TEKT4: variants seen among roughly 807,000 people sequenced by gnomAD.
TEKT4 encodes the protein tektin 4.
TEKT4 carries 46 observed loss-of-function variants against 46.0 expected under a neutral mutation model. The observed-to-expected ratio is 1.00, with a 90% CI of 0.79 to 1.28. The LOEUF (loss-of-function observed/expected upper bound fraction) is 1.28, where lower values mean the gene tolerates loss of function less well. Ranked by LOEUF, TEKT4 falls within the 50% of genes most tolerant of loss-of-function variation. TEKT4 has a pLI of 0.00. For missense variants in TEKT4, 790 were observed against 622.9 expected, an observed-to-expected ratio of 1.27 and a Z score of -2.85; for synonymous variants, 325 against 265.8, an observed-to-expected ratio of 1.22 and a Z score of -2.17.
rs1198202566 is a variant in TEKT4, at chr2:94,872,866, G to A, written c.499-654G>A. 36 of 1,289,004 alleles carry A rather than the reference G, an allele frequency of 2.8e-5. No individual in the cohort carries two copies. In the Middle Eastern group the frequency reaches 6.4e-4, roughly 23 times the overall value. The allele number at this position is 1,289,004 out of a possible 1,614,324, so 79.8% of individuals were successfully genotyped here. A position where few individuals can be genotyped will look rare whatever the true frequency, so the allele number is the denominator to read the frequency against. On this transcript the variant is annotated intron_variant, in intron 1 of 5. Transcript: ENST00000295201. ...TGCCTCAAGAACTCCTGCAGCTCCCGCAAACTCTCTGCCCGCAACAAGGGC... is the reference window on the plus strand; with the variant it reads ...TGCCTCAAGAACTCCTGCAGCTCCCACAAACTCTCTGCCCGCAACAAGGGC...
intron 1 of TEKT4, 29 bp from the exon 2 acceptor site, chr2:94,873,491 T>C (rs782729344): frequency 6.2e-7 from 1 of 1,611,914 alleles, no homozygotes; most frequent in South Asian, 1.1e-5. Context: ...AGGGACTGGC[T>C]CTGGTGCTCA....
chr2:94,872,128 C>CA (rs1269842330), intron 1 of TEKT4, 51 bp downstream of exon 1: 1 of 1,407,614 alleles, frequency 7.1e-7, no homozygotes, highest in Non-Finnish European at 9.4e-7. Flanking sequence ...GAGGAGGAGC[C>CA]CCCCCCCCCG....
Position 94,873,982 on chromosome 2 carries a change from A to G in TEKT4, c.587A>G (p.Lys196Arg), listed in dbSNP as rs201196384. 3 of 1,613,646 alleles carry G rather than the reference A, an allele frequency of 1.9e-6. No individual in the cohort carries two copies. The highest frequency in any genetic ancestry group is 1.6e-4 in the Middle Eastern group (1 of 6,084). The part of the protein sequence containing the change: ...VSQIRLNREH[K>R]ETCEMDWSDK... ...CGCCCCAGACTGAACCGGGAGCACA[A>G]GGAGACCTGCGAGATGGACTGGTCA... Residue 196 changes from lysine to arginine, a missense_variant, in exon 3 of 6, where the codon AAG becomes AGG. Physicochemically the swap from Lys to Arg is conservative, Grantham distance 26. Coordinates refer to ENST00000295201, the MANE Select transcript of TEKT4 (RefSeq NM_144705.4).
intron 3 of TEKT4, among the ~76,000 whole-genome samples, chr2:94,874,340 C>T (rs1235578887): frequency 6.6e-6 from 1 of 152,178 alleles, no homozygotes; most frequent in East Asian, 1.9e-4. Flanking sequence ...GGGTCAGACC[C>T]AGGCGCTGGC....
chr2:94,874,013 G>A lies in TEKT4; in HGVS notation c.618G>A (p.Lys206=), dbSNP rs1558606528. The change falls in exon 3 of 6, where the codon AAG becomes AAA. Residue 206 remains lysine (K), a synonymous_variant. Coordinates refer to ENST00000295201, the MANE Select transcript of TEKT4 (RefSeq NM_144705.4). ...KETCEMDWSD[K]MEAYNIDETC... ...CCTGCGAGATGGACTGGTCAGACAAGATGGAGGCCTACAACATCGACGAGA... is the reference window on the plus strand; with the variant it reads ...CCTGCGAGATGGACTGGTCAGACAAAATGGAGGCCTACAACATCGACGAGA... The A allele has an allele frequency of 1.9e-6, 3 of 1,613,594 alleles. No individual in the cohort carries two copies. The highest frequency in any genetic ancestry group is 2.5e-6 in the Non-Finnish European group (3 of 1,179,896).
At chr2:94,872,946 G>A in intron 1 of TEKT4, 1 of 1,289,460 alleles carries the variant, frequency 7.8e-7, no homozygotes, top group East Asian at 5.6e-5. Flanking sequence ...CCCAGGGATA[G>A]AGGGGCGCAG....
chr2:94,872,114 CAG>C, intron 1 of TEKT4, 37 bp downstream of exon 1: 1 of 1,483,134 alleles, frequency 6.7e-7, no homozygotes. Context: ...TTTGTGGGCG[CAG>C]AGAGGAGGAG....
intron 2 of TEKT4, 37 bp downstream of exon 2, chr2:94,873,627 C>T: frequency 6.2e-7 from 1 of 1,611,952 alleles, no homozygotes; most frequent in Non-Finnish European, 8.5e-7. Flanking sequence ...ATTCCTGACC[C>T]TACCCACAGC....
rs111450239 is a variant in TEKT4 at position 94,874,861 on chromosome 2, C to T, written c.799C>T (p.Arg267Trp). 16 of 1,608,392 alleles carry T rather than the reference C, an allele frequency of 9.9e-6. No individual in the cohort carries two copies. The highest frequency in any genetic ancestry group is 2.2e-5 in the East Asian group (1 of 44,658). Residue 267 changes from arginine to tryptophan, a missense_variant, in exon 4 of 6, where the codon CGG becomes TGG. Physicochemically the swap from Arg to Trp is moderately radical, Grantham distance 101. Coordinates refer to ENST00000295201, the MANE Select transcript of TEKT4 (RefSeq NM_144705.4). ...CGAGCGCCTGGCCTCGGCCAACCTG[C>T]GGGTGCTGGTGGACTGCATCCTTCG... ...QRERLASANL[R>W]VLVDCILRDT... is the part of the protein sequence containing the mutation.
intron 4 of TEKT4, among the ~76,000 whole-genome samples, chr2:94,875,200 G>A (rs147732904): frequency 2.8e-3 from 426 of 152,334 alleles, no homozygotes; most frequent in African/African-American, 9.5e-3. Context: ...GCTGTGGGGA[G>A]GATGGAGGCA....
intron 3 of TEKT4, among the ~76,000 whole-genome samples, 169 bp from the exon 4 acceptor site, chr2:94,874,607 G>C (rs531107957): frequency 6.6e-6 from 1 of 152,000 alleles, no homozygotes; most frequent in Non-Finnish European, 1.5e-5. Context: ...GGGGCACTCG[G>C]GGGCAGGGAG....
chr2:94,874,661 G>A (rs1225928739), intron 3 of TEKT4, 115 bp from the exon 4 acceptor site: 8 of 931,112 alleles, frequency 8.6e-6, no homozygotes, highest in Middle Eastern at 3.4e-4. Flanking sequence ...GTGCATCGGA[G>A]TCCATGCACG....
rs1346312100 is a variant in TEKT4 at position 94,874,769 on chromosome 2, C to G, written c.714-7C>G. 6.4e-7 allele frequency: 1 copy of G among 1,559,958 alleles called. No individual in the cohort carries two copies. The highest frequency in any genetic ancestry group is 1.4e-5 in the African/African-American group (1 of 73,800). ...CGACCCTCTCCTGGCTGTCCCCCGC[C>G]CCGCAGCGCCTCCACCCCGGAGACC... On this transcript the variant is annotated splice_polypyrimidine_tract_variant and splice_region_variant and intron_variant, in intron 3 of 5. Transcript: ENST00000295201.
intron 1 of TEKT4, 61 bp downstream of exon 1, chr2:94,872,138 G>A (rs1330675837): frequency 1.9e-5 from 24 of 1,296,584 alleles, no homozygotes; most frequent in African/African-American, 1.1e-4. Flanking sequence ...CCCCCCCCCC[G>A]CAGTTCATGT....
chr2:94,874,172 C>T lies in TEKT4; in HGVS notation c.713+64C>T, dbSNP rs1387750431. On this transcript the variant is annotated intron_variant, in intron 3 of 5. Coordinates refer to ENST00000295201, the MANE Select transcript of TEKT4 (RefSeq NM_144705.4). Reference sequence around the variant, plus strand: ...GGTCTCGCCTCCCTCTGCCTGGGGGCCCCAGCGGCGCTGCTTTCACCAGCC... The same window carrying T: ...GGTCTCGCCTCCCTCTGCCTGGGGGTCCCAGCGGCGCTGCTTTCACCAGCC... 11 of 1,565,912 alleles carry T rather than the reference C, an allele frequency of 7.0e-6. No individual in the cohort carries two copies. The South Asian group carries it at 8.0e-5, about 11-fold the overall frequency.
rs782472200 is a variant in TEKT4, at chr2:94,875,756, C to G, written c.1091+14C>G. The G allele has an allele frequency of 1.2e-6, 2 of 1,611,416 alleles. No individual in the cohort carries two copies. The highest frequency in any genetic ancestry group is 2.7e-5 in the African/African-American group (2 of 74,902). On this transcript the variant is annotated intron_variant, in intron 5 of 5. Coordinates refer to ENST00000295201, the MANE Select transcript of TEKT4 (RefSeq NM_144705.4). ...AGCCCAGTTCAGGTGCTGCCTGGGC[C>G]TCTGAGGCAGTCCCAGGTGGCCCTG...
chr2:94,875,836 A>T, intron 5 of TEKT4, 94 bp downstream of exon 5: 6 of 1,295,452 alleles, frequency 4.6e-6, no homozygotes, highest in Non-Finnish European at 6.4e-6. Context: ...CCGCACACAC[A>T]TCCCCCGCAG....
chr2:94,875,236 G>A (rs1228500940), intron 4 of TEKT4, among the ~76,000 whole-genome samples: 3 of 152,196 alleles, frequency 2.0e-5, no homozygotes, highest in Admixed American at 6.5e-5. Flanking sequence ...AACACTGACC[G>A]CCCGGGAGGT....
intron 3 of TEKT4, 79 bp from the exon 4 acceptor site, chr2:94,874,697 A>T: frequency 7.7e-7 from 1 of 1,292,756 alleles, no homozygotes; most frequent in Non-Finnish European, 1.0e-6. Flanking sequence ...GGGCGCGGAC[A>T]GGGCATGGGG....
Sources: allele counts gnomAD v4.1 joint callset (sites outside exome capture counted in the v4.1 genomes callset), GRCh38; gene constraint gnomAD v4.1.1; transcripts MANE v1.5; gene names NCBI Gene and HGNC (gene_info 2026-07-23, HGNC 2026-07-21).